Variants in AK9 observed in about 807,000 individuals in gnomAD.
The protein encoded by AK9 is adenylate kinase domain containing 1.
Under a neutral mutation model 239.6 loss-of-function variants are expected in AK9, and 191 were observed. The ratio of observed to expected loss-of-function variants is 0.80; its 90% CI spans 0.71 to 0.90. The LOEUF (loss-of-function observed/expected upper bound fraction) is 0.90, where lower values mean the gene tolerates loss of function less well. AK9 is among the 40% of genes least tolerant of loss of function. AK9 has a pLI of 0.00. For missense variants in AK9, 1,995 were observed against 2,214.7 expected (o/e 0.90, Z 1.99); for synonymous variants, 689 against 721.0 (o/e 0.96, Z 0.71).
chr6:109,519,006 T>A (rs953746656), intron 29 of AK9, among the ~76,000 whole-genome samples: 1 of 152,164 alleles, frequency 6.6e-6, no homozygotes, highest in Admixed American at 6.5e-5. Flanking sequence ...TATTGCCATC[T>A]TTATGTCCAT....
rs558414551 is a variant in AK9 at position 109,548,666 on chromosome 6, T to C, written c.2964+1424A>G. ...CCTAGACATCTAGGTTGGCTCAGTG[T>C]ACAATTTTTCTGACTGAAAAATTAA... On this transcript the variant is annotated intron_variant, in intron 25 of 40. Coordinates refer to ENST00000424296, the MANE Select transcript of AK9 (RefSeq NM_001145128.3). Among the ~76,000 whole-genome samples the C allele has an allele frequency of 2.6e-5, 4 of 152,324 alleles. No homozygotes were observed. The South Asian group carries it at 8.3e-4, about 32-fold the overall frequency.
chr6:109,517,377 A>G (rs1413833957), intron 29 of AK9, among the ~76,000 whole-genome samples: 1 of 152,236 alleles, frequency 6.6e-6, no homozygotes, highest in Non-Finnish European at 1.5e-5. Flanking sequence ...TCCCATAAAT[A>G]AATACAGAGA....
chr6:109,653,857 A>C (rs976928377), intron 8 of AK9, among the ~76,000 whole-genome samples: 8 of 152,042 alleles, frequency 5.3e-5, no homozygotes, highest in Non-Finnish European at 7.4e-5. Context: ...CTTTATCTCA[A>C]GATTATATTA....
At chr6:109,551,472 T>C (rs117204953) in intron 24 of AK9, among the ~76,000 whole-genome samples, 2,019 of 145,736 alleles carry the variant, frequency 0.014, 23 homozygotes, top group Middle Eastern at 0.055. Context: ...TGAGCCGAGA[T>C]GGCACACTGC....
intron 8 of AK9, among the ~76,000 whole-genome samples, chr6:109,650,873 C>A (rs1022702778): frequency 5.3e-5 from 8 of 152,150 alleles, no homozygotes; most frequent in Admixed American, 1.3e-4. Flanking sequence ...AAATGTGGCA[C>A]ACATACACCA....
chr6:109,633,515 T>C (rs144792113), intron 10 of AK9, among the ~76,000 whole-genome samples, 192 bp from the exon 11 acceptor site: 1 of 152,288 alleles, frequency 6.6e-6, no homozygotes, highest in African/African-American at 2.4e-5. Flanking sequence ...TAGAACTAGT[T>C]TGAACTAGTT....
At chr6:109,502,846 TC>T (rs1345651478) in intron 35 of AK9, among the ~76,000 whole-genome samples, 1 of 152,162 alleles carries the variant, frequency 6.6e-6, no homozygotes, top group African/African-American at 2.4e-5. Flanking sequence ...GTGGGCTCTT[TC>T]CCAGTTGAGC....
chr6:109,573,240 T>C (rs1286980100), intron 21 of AK9, among the ~76,000 whole-genome samples: 2 of 151,446 alleles, frequency 1.3e-5, no homozygotes, highest in East Asian at 3.9e-4. Context: ...TGCTCCTGTG[T>C]GCCAGTGCTG....
intron 13 of AK9, 22 bp downstream of exon 13, chr6:109,619,070 A>C: frequency 3.9e-6 from 6 of 1,527,486 alleles, no homozygotes; most frequent in Non-Finnish European, 5.3e-6. Context: ...CTTAAAACAC[A>C]CATTTTAAAA....
rs184334763 is a variant in AK9, at chr6:109,568,585, A to C, written c.2345-3740T>G. Among the ~76,000 whole-genome samples the C allele has an allele frequency of 3.5e-4, 54 of 152,328 alleles. No individual in the cohort carries two copies. The East Asian group carries it at 8.1e-3, about 23-fold the overall frequency. Reference sequence around the variant, plus strand: ...TGATAAACAACTTCAGCAAAGTCTCAGGATACAAAATCAATGTGCAAAAAT... The same window carrying C: ...TGATAAACAACTTCAGCAAAGTCTCCGGATACAAAATCAATGTGCAAAAAT... On this transcript the variant is annotated intron_variant, in intron 21 of 40. Coordinates refer to ENST00000424296, the MANE Select transcript of AK9 (RefSeq NM_001145128.3).
At chr6:109,554,885 A>T (rs1784802739) in intron 24 of AK9, among the ~76,000 whole-genome samples, 1 of 151,714 alleles carries the variant, frequency 6.6e-6, no homozygotes, top group African/African-American at 2.4e-5. Flanking sequence ...GTCATTTGTT[A>T]TTGTGTCTGT....
At chr6:109,556,087 A>T (rs1173836523) in intron 24 of AK9, among the ~76,000 whole-genome samples, 2 of 152,142 alleles carry the variant, frequency 1.3e-5, no homozygotes, top group African/African-American at 4.8e-5. Flanking sequence ...TAGTTGATGC[A>T]GTTTCTTTGT....
rs142366899 is a variant in AK9 at position 109,660,590 on chromosome 6, C to A, written c.445-1177G>T. On this transcript the variant is annotated intron_variant, in intron 6 of 40. Transcript: ENST00000424296. Reference sequence around the variant, plus strand: ...TAATTTTTCACAAAAAGAATTTCAACCTACACAGGTAATTTTTTAAAACAT... The same window carrying A: ...TAATTTTTCACAAAAAGAATTTCAAACTACACAGGTAATTTTTTAAAACAT... Among the ~76,000 whole-genome samples the A allele has an allele frequency of 2.3e-3, 344 of 152,232 alleles. 2 individuals are homozygous for A. The highest frequency in any genetic ancestry group is 0.01 in the Middle Eastern group (3 of 294).
intron 21 of AK9, among the ~76,000 whole-genome samples, chr6:109,569,787 C>T (rs1427345700): frequency 1.3e-5 from 2 of 152,136 alleles, no homozygotes; most frequent in Non-Finnish European, 2.9e-5. Context: ...ACAACAGGTG[C>T]TGGAGAGGAT....
Position 109,493,339 on chromosome 6 carries a change from T to G in AK9, c.*30A>C. The G allele has an allele frequency of 3.4e-5, 54 of 1,588,378 alleles. No individual in the cohort carries two copies. The highest frequency in any genetic ancestry group is 4.1e-5 in the Non-Finnish European group (47 of 1,158,994). On this transcript the variant is annotated 3_prime_UTR_variant, in exon 41 of 41. Coordinates refer to ENST00000424296, the MANE Select transcript of AK9 (RefSeq NM_001145128.3). ...CCCTCTATCACTTTCAGATAACTCT[T>G]GAGATTCAGGCTGCTATCACCTAAG...
rs1468286701 is a variant in AK9, at chr6:109,564,112, T to C, written c.2603A>G (p.Glu868Gly). Residue 868 changes from glutamate (E) to glycine (G), a missense_variant, in exon 23 of 41, where the codon GAA (glutamate) becomes GGA (glycine). Transcript: ENST00000424296. The stretch of plus-strand genomic sequence containing the variant: ...AGTCTCAACTACTTTTTGAAGTAAT[T>C]CCTGTGGAGTTCTGTCAGCAATCTC... ...NLEIADRTPQ[E>G]LLQKVVETME... The C allele has an allele frequency of 1.9e-6, 3 of 1,551,314 alleles. No individual in the cohort carries two copies. Among genetic ancestry groups the C allele is most frequent in the Non-Finnish European group, 8.7e-7 (1 of 1,146,834 alleles).
At chr6:109,637,796 T>C (rs951165828) in intron 10 of AK9, among the ~76,000 whole-genome samples, 1 of 152,198 alleles carries the variant, frequency 6.6e-6, no homozygotes, top group Non-Finnish European at 1.5e-5. Context: ...CACAAGAACT[T>C]GTATATTAAT....
At chr6:109,586,163 T>C (rs1209243850) in intron 17 of AK9, 91 bp from the exon 18 acceptor site, 2 of 1,138,308 alleles carry the variant, frequency 1.8e-6, no homozygotes, top group Non-Finnish European at 2.4e-6. Context: ...CTTAAACAAG[T>C]ATCTTTTGAG....
intron 24 of AK9, among the ~76,000 whole-genome samples, chr6:109,563,031 T>A (rs1785985790): frequency 1.3e-5 from 2 of 152,234 alleles, no homozygotes; most frequent in South Asian, 4.1e-4. Flanking sequence ...CACTACATAT[T>A]GTTTGTTGTT....
Sources: gnomAD v4.1 joint callset for allele counts (sites outside exome capture counted in the v4.1 genomes callset) on GRCh38, gnomAD v4.1.1 for gene constraint, MANE v1.5 for transcripts, NCBI Gene and HGNC (gene_info 2026-07-23, HGNC 2026-07-21) for gene names.